The following DESI2 variants were observed in gnomAD, a reference collection of about 807,000 sequenced individuals.
The protein encoded by DESI2 is desumoylating isopeptidase 2, also known as deubiquitinase DESI2.
DESI2 carries 10 observed loss-of-function variants against 24.1 expected under a neutral mutation model. The ratio of observed to expected loss-of-function variants is 0.41; its 90% CI spans 0.26 to 0.70. The LOEUF (loss-of-function observed/expected upper bound fraction) is 0.70. DESI2 is among the 30% of genes least tolerant of loss of function. DESI2 has a pLI of 0.29. For missense variants in DESI2, 122 were observed against 234.9 expected (o/e 0.52, Z 3.14); for synonymous variants, 71 against 87.7 (o/e 0.81, Z 1.06).
rs150911040 is a variant in DESI2, at chr1:244,689,707, G to A, written c.209+365G>A. On this transcript the variant is annotated intron_variant, in intron 3 of 4. Transcript: ENST00000302550. The surrounding 1 kb of genome is among the most constrained non-coding windows in gnomAD (Gnocchi z 4.0). ...GTATTTTTAGTAGAGATGGAGTTTCGCCATGTTGGCCAGGCTAGTCTTGAA... is the reference window on the plus strand; with the variant it reads ...GTATTTTTAGTAGAGATGGAGTTTCACCATGTTGGCCAGGCTAGTCTTGAA... Among the ~76,000 whole-genome samples, 49 of 151,978 alleles carry A rather than the reference G, an allele frequency of 3.2e-4. No individual in the cohort carries two copies. The highest frequency in any genetic ancestry group is 1.1e-3 in the African/African-American group (47 of 41,488).
Position 244,706,620 on chromosome 1 carries a change from T to G in DESI2, c.*831T>G, listed in dbSNP as rs1328041604. 6.6e-6 allele frequency: 1 copy of G among 152,638 alleles called. No individual in the cohort carries two copies. The highest frequency in any genetic ancestry group is 1.5e-5 in the Non-Finnish European group (1 of 68,046). 9.5% of individuals were successfully genotyped at this position (152,638 alleles called of 1,614,324 possible). ...ATTTTAATACACATGTATTTCCTCCTTGCACAGGATTTTGATGGTGTGGGA... is the reference window on the plus strand; with the variant it reads ...ATTTTAATACACATGTATTTCCTCCGTGCACAGGATTTTGATGGTGTGGGA... On this transcript the variant is annotated 3_prime_UTR_variant, in exon 5 of 5. Transcript: ENST00000302550.
At chr1:244,701,370 A>T (rs567846029) in intron 4 of DESI2, among the ~76,000 whole-genome samples, 1 of 152,170 alleles carries the variant, frequency 6.6e-6, no homozygotes, top group Non-Finnish European at 1.5e-5. Flanking sequence ...AGTCAATCCC[A>T]TGACATACGC....
chr1:244,685,634 C>T (rs563578560), intron 1 of DESI2, among the ~76,000 whole-genome samples: 305 of 152,242 alleles, frequency 2.0e-3, no homozygotes, highest in African/African-American at 7.2e-3. Context: ...TCCAGCAATG[C>T]GTGAGAATGT....
chr1:244,684,931 A>G (rs553255656), intron 1 of DESI2, among the ~76,000 whole-genome samples: 20 of 152,150 alleles, frequency 1.3e-4, no homozygotes, highest in African/African-American at 4.6e-4. Flanking sequence ...TAATCTTACT[A>G]CTCTCCTTCC....
rs1676946924 is a variant in DESI2 at position 244,689,576 on chromosome 1, C to A, written c.209+234C>A. Among the ~76,000 whole-genome samples, 1 of 151,860 alleles carries A rather than the reference C, an allele frequency of 6.6e-6. No individual in the cohort carries two copies. The highest frequency in any genetic ancestry group is 1.5e-5 in the Non-Finnish European group (1 of 68,028). On this transcript the variant is annotated intron_variant, in intron 3 of 4. Transcript: ENST00000302550. This position sits in a 1 kb window ranked among gnomAD's most constrained non-coding sequence, Gnocchi z 4.0. ...CCAGGCTGGAGAGAAGTGGCGTGAT[C>A]TCAGCTCACTGCAGCGTCCGCCTTC...
intron 1 of DESI2, chr1:244,656,324 T>C (rs1052131508): frequency 6.6e-6 from 1 of 152,240 alleles, no homozygotes; most frequent in Non-Finnish European, 1.5e-5. Flanking sequence ...ATTTCTTTTC[T>C]TCCATAACTC....
chr1:244,690,151 T>C (rs1286972940), intron 3 of DESI2, among the ~76,000 whole-genome samples: 2 of 152,132 alleles, frequency 1.3e-5, no homozygotes, highest in Non-Finnish European at 2.9e-5. Flanking sequence ...CCATGTGTCA[T>C]GTTGGTTTGC....
intron 4 of DESI2, among the ~76,000 whole-genome samples, chr1:244,696,261 G>A (rs1453373364): frequency 2.0e-5 from 3 of 152,090 alleles, no homozygotes; most frequent in African/African-American, 7.2e-5. Flanking sequence ...TTTTTTAACG[G>A]TTAGTTTGAA....
rs1314160752 is a variant in DESI2, at chr1:244,705,558, T to G, written c.354T>G (p.Ile118Met). The change falls in exon 5 of 5, where the codon ATT becomes ATG. Residue 118 changes from isoleucine (I) to methionine (M), a missense_variant and splice_region_variant. Ile to Met is a conservative substitution (Grantham distance 10, BLOSUM62 1). Coordinates refer to ENST00000302550, the MANE Select transcript of DESI2 (RefSeq NM_016076.5). Reference protein sequence around the residue: ...CNHFSSALSEILCGKEIPRWI... With the variant: ...CNHFSSALSEMLCGKEIPRWI... ...ACAGAACTCTTTCTCTTCTGTAGAT[T>G]CTTTGTGGGAAAGAGATTCCTCGCT... 1 of 1,613,552 alleles carries G rather than the reference T, an allele frequency of 6.2e-7. No homozygotes were observed. The highest frequency in any genetic ancestry group is 1.3e-5 in the African/African-American group (1 of 74,924).
At chr1:244,704,557 C>A (rs545219373) in intron 4 of DESI2, among the ~76,000 whole-genome samples, 1 of 152,240 alleles carries the variant, frequency 6.6e-6, no homozygotes, top group African/African-American at 2.4e-5. Flanking sequence ...TATTCTATCC[C>A]GCTAGTGTCT....
intron 4 of DESI2, among the ~76,000 whole-genome samples, chr1:244,702,284 C>CA (rs1263538953): frequency 6.6e-6 from 1 of 152,174 alleles, no homozygotes; most frequent in Admixed American, 6.5e-5. Context: ...GAGGCTGAGG[C>CA]AGGCAGATCA....
intron 1 of DESI2, chr1:244,656,164 C>T (rs1308839782): frequency 6.6e-6 from 1 of 152,188 alleles, no homozygotes; most frequent in Non-Finnish European, 1.5e-5. Flanking sequence ...GGTTCCAACT[C>T]TGTAAATATG....
intron 1 of DESI2, among the ~76,000 whole-genome samples, chr1:244,664,384 C>T (rs902493700): frequency 6.6e-6 from 1 of 151,952 alleles, no homozygotes; most frequent in African/African-American, 2.4e-5. Flanking sequence ...ATCAAACCTA[C>T]AGGGAAAAGA....
intron 1 of DESI2, among the ~76,000 whole-genome samples, chr1:244,664,279 G>A (rs973134838): frequency 6.6e-6 from 1 of 152,142 alleles, no homozygotes; most frequent in African/African-American, 2.4e-5. Flanking sequence ...TATATAGAAG[G>A]ACGTGTGTTG....
intron 4 of DESI2, 129 bp downstream of exon 4, chr1:244,692,149 G>T: frequency 1.2e-6 from 1 of 807,460 alleles, no homozygotes; most frequent in Non-Finnish European, 1.9e-6. Context: ...ATATGGTATT[G>T]TATTTCAATC....
At chr1:244,662,953 C>T (rs1675898594) in intron 1 of DESI2, among the ~76,000 whole-genome samples, 7 of 152,070 alleles carry the variant, frequency 4.6e-5, no homozygotes, top group Admixed American at 4.6e-4. Flanking sequence ...GAAAATAGAA[C>T]AAGCAGTACC....
In DESI2 at chr1:244,694,997, A is replaced by G. The variant is rs144147734; in HGVS notation, c.351+2977A>G. On this transcript the variant is annotated intron_variant, in intron 4 of 4. Coordinates refer to ENST00000302550, the MANE Select transcript of DESI2 (RefSeq NM_016076.5). ...CGTTATCTTACAAAACAAGTCCAGA[A>G]TAAGGCAGGCTCCATTCCAATGTGG... 8.8e-3 allele frequency among the ~76,000 whole-genome samples: 1,344 copies of G among 152,336 alleles called. 11 individuals are homozygous for G. Among genetic ancestry groups the G allele is most frequent in the Non-Finnish European group, 0.014 (968 of 68,018 alleles).
intron 1 of DESI2, among the ~76,000 whole-genome samples, chr1:244,677,669 C>T (rs776194403): frequency 8.5e-5 from 13 of 152,184 alleles, no homozygotes; most frequent in Non-Finnish European, 1.6e-4. Flanking sequence ...AATCCCAGCA[C>T]TTGTGGAGGC....
intron 1 of DESI2, among the ~76,000 whole-genome samples, chr1:244,683,135 C>T (rs1301939448): frequency 2.0e-5 from 3 of 151,916 alleles, no homozygotes; most frequent in Non-Finnish European, 4.4e-5. Flanking sequence ...CTGGCATCAC[C>T]AGGGGGATGG....
Sources: allele counts gnomAD v4.1 joint callset (sites outside exome capture counted in the v4.1 genomes callset), GRCh38; gene constraint gnomAD v4.1.1; non-coding constraint Gnocchi (gnomAD v3.1); transcripts MANE v1.5; gene names NCBI Gene and HGNC (gene_info 2026-07-23, HGNC 2026-07-21).